The following TMTC1 variants were observed in gnomAD, a reference collection of about 807,000 sequenced individuals.
TMTC1 encodes the protein protein O-mannosyl-transferase TMTC1.
A neutral mutation model predicts 104.8 loss-of-function variants in TMTC1; 73 were observed. The ratio of observed to expected loss-of-function variants is 0.70; its 90% CI spans 0.58 to 0.85. The LOEUF (loss-of-function observed/expected upper bound fraction) is 0.85, where lower values mean the gene tolerates loss of function less well. Ranked by LOEUF, TMTC1 falls within the 40% of genes least tolerant of loss-of-function variation. TMTC1 has a pLI of 0.00. For missense variants in TMTC1, 1,035 were observed against 1,096.1 expected (o/e 0.94, Z 0.79); for synonymous variants, 434 against 428.7 (o/e 1.01, Z -0.15).
At chr12:29,664,132 A>G (rs945239135) in intron 5 of TMTC1, among the ~76,000 whole-genome samples, 13 of 150,622 alleles carry the variant, frequency 8.6e-5, no homozygotes, top group Admixed American at 2.6e-4. Flanking sequence ...GCTTGCAGTG[A>G]GCCGAGATCC....
intron 15 of TMTC1, 54 bp from the exon 16 acceptor site, chr12:29,514,658 T>G: frequency 6.4e-7 from 1 of 1,555,266 alleles, no homozygotes; most frequent in East Asian, 2.3e-5. Flanking sequence ...AAAGAAAAAC[T>G]TATTTAACTG....
intron 6 of TMTC1, 55 bp downstream of exon 6, chr12:29,633,092 G>C: frequency 6.7e-7 from 1 of 1,497,728 alleles, no homozygotes; most frequent in Admixed American, 1.8e-5. Context: ...GAACATTATA[G>C]GCATAGAATA....
At chr12:29,617,523 G>C (rs1185857706) in intron 6 of TMTC1, among the ~76,000 whole-genome samples, 4 of 136,378 alleles carry the variant, frequency 2.9e-5, no homozygotes, top group African/African-American at 1.1e-4. Flanking sequence ...ACATCAGTAA[G>C]CAAAACAGAC....
At chr12:29,546,397 A>G (rs2136229349) in intron 10 of TMTC1, among the ~76,000 whole-genome samples, 1 of 152,234 alleles carries the variant, frequency 6.6e-6, no homozygotes, top group African/African-American at 2.4e-5. Context: ...CTATATCAGG[A>G]GGGTACAAAT....
intron 6 of TMTC1, among the ~76,000 whole-genome samples, chr12:29,630,656 T>C (rs1938250388): frequency 6.6e-6 from 1 of 152,238 alleles, no homozygotes; most frequent in Non-Finnish European, 1.5e-5. Flanking sequence ...TTGATGACAC[T>C]GAGTTCGTCC....
At chr12:29,635,126 T>A (rs1184994941) in intron 5 of TMTC1, among the ~76,000 whole-genome samples, 5 of 151,870 alleles carry the variant, frequency 3.3e-5, no homozygotes, top group African/African-American at 1.2e-4. Flanking sequence ...AATATACAAA[T>A]AGAGTAGTAT....
At chr12:29,739,887 T>G (rs1274179467) in intron 5 of TMTC1, among the ~76,000 whole-genome samples, 1 of 152,036 alleles carries the variant, frequency 6.6e-6, no homozygotes, top group African/African-American at 2.4e-5. Flanking sequence ...TTTTGCATTC[T>G]TAGTAGAGAC....
chr12:29,723,728 CGAGA>C (rs912571593), intron 5 of TMTC1, among the ~76,000 whole-genome samples: 16 of 151,284 alleles, frequency 1.1e-4, no homozygotes, highest in African/African-American at 3.4e-4. Flanking sequence ...AAGGAAAAAA[CGAGA>C]GAGAGAGAGA....
At chr12:29,699,336 A>G (rs1941513879) in intron 5 of TMTC1, among the ~76,000 whole-genome samples, 1 of 152,204 alleles carries the variant, frequency 6.6e-6, no homozygotes, top group Admixed American at 6.5e-5. Flanking sequence ...AAAATAATCT[A>G]TAACATAAAA....
chr12:29,774,137 T>A (rs967171082), intron 1 of TMTC1, among the ~76,000 whole-genome samples: 3 of 152,164 alleles, frequency 2.0e-5, no homozygotes, highest in Admixed American at 2.0e-4. Flanking sequence ...TTTTAGCATC[T>A]CAACCTCATT....
rs756269256 is a variant in TMTC1, at chr12:29,518,607, C to T, written c.1889G>A (p.Gly630Asp). 1.9e-6 allele frequency: 3 copies of T among 1,613,868 alleles called. No homozygotes were observed. The highest frequency in any genetic ancestry group is 1.7e-6 in the Non-Finnish European group (2 of 1,179,852). Residue 630 changes from glycine (G) to aspartate (D), a missense_variant and splice_region_variant, in exon 13 of 18, where the codon GGC becomes GAC. Gly to Asp is a moderately conservative substitution (Grantham distance 94). Coordinates refer to ENST00000539277, the MANE Select transcript of TMTC1 (RefSeq NM_001193451.2). ...ATGGGCCACTGCCTTTTCTGGTAAG[C>T]CTGTAACCAGTGACAGGTTGGTAAG... ...NNYGVFLVDT[G>D]LPEKAVAHYQ...
At chr12:29,632,602 C>T (rs948938261) in intron 6 of TMTC1, among the ~76,000 whole-genome samples, 2 of 152,190 alleles carry the variant, frequency 1.3e-5, no homozygotes, top group Non-Finnish European at 2.9e-5. Flanking sequence ...GCCCTGCATA[C>T]CTGTGAGCTA....
At chr12:29,722,223 G>C (rs963237901) in intron 5 of TMTC1, among the ~76,000 whole-genome samples, 4 of 152,162 alleles carry the variant, frequency 2.6e-5, no homozygotes, top group Non-Finnish European at 4.4e-5. Context: ...ATAATGTGCA[G>C]GAATTTGCAC....
intron 5 of TMTC1, among the ~76,000 whole-genome samples, chr12:29,746,755 A>G (rs1942964937): frequency 6.6e-6 from 1 of 152,152 alleles, no homozygotes; most frequent in African/African-American, 2.4e-5. Context: ...TTATTTGTAC[A>G]CCTATGTGCA....
In TMTC1 at chr12:29,583,407, C is replaced by A; in HGVS notation, c.1418G>T (p.Arg473Met). 1 of 1,613,474 alleles carries A rather than the reference C, an allele frequency of 6.2e-7. No homozygotes were observed. Among genetic ancestry groups the A allele is most frequent in the Non-Finnish European group, 8.5e-7 (1 of 1,179,684 alleles). Residue 473 changes from arginine to methionine, a missense_variant and splice_region_variant, in exon 8 of 18, where the codon AGG becomes ATG. Transcript: ENST00000539277. ...TTTATTTTTATCTGTCTAGTCATACCTGAATAGGGACTCTCTTGACAGCCA... is the reference window on the plus strand; with the variant it reads ...TTTATTTTTATCTGTCTAGTCATACATGAATAGGGACTCTCTTGACAGCCA... ...EIWLSRESLF[R>M]SGVQTLPHNA...
intron 5 of TMTC1, among the ~76,000 whole-genome samples, chr12:29,733,532 G>C (rs1942597790): frequency 6.6e-6 from 1 of 152,226 alleles, no homozygotes; most frequent in African/African-American, 2.4e-5. Flanking sequence ...AGCCATTTTA[G>C]TGACATAGGG....
chr12:29,522,577 T>TGG lies in TMTC1; in HGVS notation c.1786-1858_1786-1857insCC, dbSNP rs1467738218. ...CAATGTGTGTGTGTGTGTGTGTGTG[T>TGG]GTGTGTGTGTAATGAAGACAGGCAG... On this transcript the variant is annotated intron_variant, in intron 11 of 17. Transcript: ENST00000539277. 9.9e-5 allele frequency among the ~76,000 whole-genome samples: 15 copies of TGG among 151,204 alleles called. No homozygotes were observed. In the East Asian group the frequency reaches 2.7e-3, roughly 27 times the overall value.
intron 5 of TMTC1, among the ~76,000 whole-genome samples, chr12:29,695,454 A>G (rs117689438): frequency 6.6e-6 from 1 of 151,764 alleles, no homozygotes; most frequent in Non-Finnish European, 1.5e-5. Context: ...TTACAGACAC[A>G]CGCCACCACA....
chr12:29,591,302 C>T (rs562114644), intron 7 of TMTC1, among the ~76,000 whole-genome samples: 28 of 152,264 alleles, frequency 1.8e-4, no homozygotes, highest in Admixed American at 1.4e-3. Flanking sequence ...AGGACATGGC[C>T]TCCTTTTGAA....
Sources: allele counts gnomAD v4.1 joint callset (sites outside exome capture counted in the v4.1 genomes callset), GRCh38; gene constraint gnomAD v4.1.1; transcripts MANE v1.5; gene names NCBI Gene and HGNC (gene_info 2026-07-23, HGNC 2026-07-21).